MDFIC: variants seen among roughly 807,000 people sequenced by gnomAD.
MDFIC encodes the protein myoD family inhibitor domain-containing protein.
Under a neutral mutation model 23.2 loss-of-function variants are expected in MDFIC, and 17 were observed. That is an observed-to-expected ratio of 0.73 (90% confidence interval 0.50 to 1.10). MDFIC has a LOEUF of 1.10. Among genes scored for constraint, MDFIC ranks in the 50% least tolerant of loss-of-function variants. MDFIC has a pLI of 0.00. For missense variants in MDFIC, 356 were observed against 316.6 expected, an observed-to-expected ratio of 1.12 and a Z score of -0.95; for synonymous variants, 120 against 115.2, an observed-to-expected ratio of 1.04 and a Z score of -0.27.
chr7:114,955,324 C>T (rs777160882), intron 3 of MDFIC, among the ~76,000 whole-genome samples: 2 of 152,200 alleles, frequency 1.3e-5, no homozygotes, highest in Non-Finnish European at 2.9e-5. Context: ...ATTTGCACCT[C>T]TGTCCACTTG....
chr7:114,980,425 C>T (rs183213752), intron 4 of MDFIC, among the ~76,000 whole-genome samples: 82 of 152,292 alleles, frequency 5.4e-4, no homozygotes, highest in African/African-American at 1.9e-3. Flanking sequence ...CTAGTTATTA[C>T]CTCTTCAGTT....
chr7:115,015,409 G>T (rs1484608345), intron 4 of MDFIC, among the ~76,000 whole-genome samples: 2 of 152,010 alleles, frequency 1.3e-5, no homozygotes, highest in Non-Finnish European at 2.9e-5. Flanking sequence ...AGGACCAAGG[G>T]TCATTGCACA....
intron 4 of MDFIC, among the ~76,000 whole-genome samples, chr7:114,986,396 G>A (rs1793514550): frequency 6.6e-6 from 1 of 152,072 alleles, no homozygotes; most frequent in African/African-American, 2.4e-5. Context: ...TCTGGGTAGG[G>A]CACACAGCTT....
At chr7:114,960,792 G>A (rs181681368) in intron 3 of MDFIC, among the ~76,000 whole-genome samples, 3 of 152,178 alleles carry the variant, frequency 2.0e-5, no homozygotes, top group Admixed American at 1.3e-4. Context: ...TTAAATGATA[G>A]TAAATTAATA....
chr7:114,998,753 G>A (rs899325697), intron 4 of MDFIC, among the ~76,000 whole-genome samples: 21 of 151,982 alleles, frequency 1.4e-4, no homozygotes, highest in African/African-American at 4.6e-4. Flanking sequence ...ATACTTAAAA[G>A]ATCTGTTGTT....
At chr7:114,973,090 C>CAT (rs58799374) in intron 3 of MDFIC, among the ~76,000 whole-genome samples, 72,004 of 147,548 alleles carry the variant, frequency 0.49, 18,077 homozygotes, top group South Asian at 0.66. Flanking sequence ...GTTTATGTAT[C>CAT]GTGTGTGTGT....
rs1025536054 is a variant in MDFIC, at chr7:114,922,256, G to C, written c.-488G>C. 1 of 649,978 alleles carries C rather than the reference G, an allele frequency of 1.5e-6. No homozygotes were observed. The highest frequency in any genetic ancestry group is 1.9e-5 in the African/African-American group (1 of 53,186). 40.3% of individuals were successfully genotyped at this position (649,978 alleles called of 1,614,324 possible). On this transcript the variant is annotated 5_prime_UTR_variant, in exon 1 of 5. Transcript: ENST00000393486. ...TCCCAGCATCGGGGCCGCTAGCCAA[G>C]AGTTCGAGGCCTTCCCGATCCGGAT...
intron 3 of MDFIC, among the ~76,000 whole-genome samples, chr7:114,977,931 A>G (rs970492472): frequency 3.9e-4 from 57 of 147,940 alleles, no homozygotes; most frequent in Middle Eastern, 3.6e-3. Flanking sequence ...TAAATATTAT[A>G]TATGTATTAT....
intron 3 of MDFIC, among the ~76,000 whole-genome samples, chr7:114,979,070 T>A (rs1217820478): frequency 6.6e-6 from 1 of 152,222 alleles, no homozygotes; most frequent in Non-Finnish European, 1.5e-5. Flanking sequence ...GAACTTATCA[T>A]TTCTTTCCTT....
At chr7:114,992,264 T>A (rs1410781925) in intron 4 of MDFIC, among the ~76,000 whole-genome samples, 5 of 152,028 alleles carry the variant, frequency 3.3e-5, no homozygotes, top group African/African-American at 1.2e-4. Flanking sequence ...GACGATGGGG[T>A]TTTCTAAATA....
chr7:114,994,586 T>G (rs1791278874), intron 4 of MDFIC, among the ~76,000 whole-genome samples: 1 of 152,210 alleles, frequency 6.6e-6, no homozygotes, highest in South Asian at 2.1e-4. Flanking sequence ...CTGTAAAGTA[T>G]TTTATTTCTC....
intron 2 of MDFIC, among the ~76,000 whole-genome samples, chr7:114,933,654 T>A (rs1792372220): frequency 6.6e-6 from 1 of 152,158 alleles, no homozygotes; most frequent in African/African-American, 2.4e-5. Flanking sequence ...ACCTCTTTCA[T>A]GATAGTTTTC....
Position 114,968,136 on chromosome 7 carries a change from A to T in MDFIC, c.218-11370A>T, listed in dbSNP as rs183917070. On this transcript the variant is annotated intron_variant, in intron 3 of 4. Transcript: ENST00000393486. ...CCAGCCTCAATCGTGTTAATCTTGA[A>T]ATGTGGTTAATGAGTTTGTCTCTCT... 2.2e-4 allele frequency among the ~76,000 whole-genome samples: 33 copies of T among 152,236 alleles called. No individual in the cohort carries two copies. The East Asian group carries it at 4.5e-3, about 21-fold the overall frequency.
intron 4 of MDFIC, among the ~76,000 whole-genome samples, chr7:114,980,489 G>A (rs1035614039): frequency 4.6e-5 from 7 of 152,156 alleles, no homozygotes; most frequent in African/African-American, 1.7e-4. Flanking sequence ...CTATGAACCT[G>A]AGAAAGTTCT....
intron 4 of MDFIC, chr7:114,980,021 A>G (rs1038425173): frequency 3.7e-6 from 2 of 539,596 alleles, no homozygotes; most frequent in Non-Finnish European, 3.3e-6. Flanking sequence ...TACTTTAAAT[A>G]TAACTGCTAT....
In MDFIC at chr7:114,934,193, T is replaced by G. The variant is rs191345443; in HGVS notation, c.95-8082T>G. 1.6e-3 allele frequency among the ~76,000 whole-genome samples: 247 copies of G among 152,320 alleles called. 1 individual carries two copies. The highest frequency in any genetic ancestry group is 5.6e-3 in the African/African-American group (231 of 41,574). Reference sequence around the variant, plus strand: ...TATGTGAGAAGGAAGGAGTTTGCTGTGCCTCAAGGTCAATCATCCTAAACA... The same window carrying G: ...TATGTGAGAAGGAAGGAGTTTGCTGGGCCTCAAGGTCAATCATCCTAAACA... On this transcript the variant is annotated intron_variant, in intron 2 of 4. Transcript: ENST00000393486.
chr7:115,011,054 C>T (rs1180894641), intron 4 of MDFIC, among the ~76,000 whole-genome samples: 1 of 152,142 alleles, frequency 6.6e-6, no homozygotes, highest in Non-Finnish European at 1.5e-5. Flanking sequence ...TTGTAACTGA[C>T]CTTCCTCCAA....
At chr7:114,994,511 T>C (rs1489466209) in intron 4 of MDFIC, among the ~76,000 whole-genome samples, 2 of 152,228 alleles carry the variant, frequency 1.3e-5, no homozygotes, top group African/African-American at 2.4e-5. Context: ...CCATGTTTAG[T>C]GCTTCCTTCA....
rs148925170 is a variant in MDFIC, at chr7:114,955,190, A to G, written c.217+12793A>G. On this transcript the variant is annotated intron_variant, in intron 3 of 4. Transcript: ENST00000393486. ...AAGTTGTACCCCAAGCAATCAGCAT[A>G]ATTCCAGGACCACAGTAAACTTTCA... Among the ~76,000 whole-genome samples, 41 of 152,352 alleles carry G rather than the reference A, an allele frequency of 2.7e-4. No individual in the cohort carries two copies. In the East Asian group the frequency reaches 7.9e-3, roughly 29 times the overall value.
Sources: allele counts gnomAD v4.1 joint callset (sites outside exome capture counted in the v4.1 genomes callset), GRCh38; gene constraint gnomAD v4.1.1; transcripts MANE v1.5; gene names NCBI Gene and HGNC (gene_info 2026-07-23, HGNC 2026-07-21).